RAB6B: variants seen among roughly 807,000 people sequenced by gnomAD.
The protein encoded by RAB6B is ras-related protein Rab-6B.
In RAB6B, 7 loss-of-function variants were observed where a neutral mutation model predicts 31.2. The observed-to-expected ratio is 0.22, with a 90% CI of 0.13 to 0.42. The LOEUF is 0.42. RAB6B is among the 10% of genes least tolerant of loss of function. The pLI, the probability that RAB6B is intolerant of heterozygous loss-of-function variation, is 1.00. For missense variants in RAB6B, 149 were observed against 280.6 expected (o/e 0.53, Z 3.35); for synonymous variants, 105 against 104.9 (o/e 1.00, Z -0.01).
At chr3:133,864,483 T>C in intron 2 of RAB6B, 101 bp downstream of exon 2, 1 of 1,217,682 alleles carries the variant, frequency 8.2e-7, no homozygotes, top group Non-Finnish European at 1.2e-6. Flanking sequence ...AATGACAGCC[T>C]GGGAACCCAG....
intron 1 of RAB6B, among the ~76,000 whole-genome samples, chr3:133,882,596 G>C (rs1936483955): frequency 6.6e-6 from 1 of 152,198 alleles, no homozygotes; most frequent in African/African-American, 2.4e-5. Flanking sequence ...AGCTGGCCTG[G>C]GCAGAGGCTG....
At chr3:133,886,057 G>A (rs1358591123) in intron 1 of RAB6B, among the ~76,000 whole-genome samples, 1 of 152,062 alleles carries the variant, frequency 6.6e-6, no homozygotes, top group Admixed American at 6.5e-5. Context: ...TGACCCTACT[G>A]ACTCCCCCAG....
chr3:133,877,030 A>G lies in RAB6B; in HGVS notation c.71-12388T>C, dbSNP rs149709408. On this transcript the variant is annotated intron_variant, in intron 1 of 7. Coordinates refer to ENST00000285208, the MANE Select transcript of RAB6B (RefSeq NM_016577.4). ...GAAACAACAATTTTCAAGCCACAGG[A>G]TATTAGGTAATGATGACCCCTGAGA... is the stretch of plus-strand genomic sequence containing the variant. Among the ~76,000 whole-genome samples the G allele has an allele frequency of 4.5e-4, 69 of 152,338 alleles. 1 individual carries two copies. In the East Asian group the frequency reaches 0.013, roughly 29 times the overall value.
intron 1 of RAB6B, among the ~76,000 whole-genome samples, chr3:133,874,549 G>A (rs1258199312): frequency 6.6e-6 from 1 of 152,202 alleles, no homozygotes; most frequent in African/African-American, 2.4e-5. Context: ...AGTGAGTGGT[G>A]AGTAAATGTG....
At chr3:133,868,514 C>T (rs1233157826) in intron 1 of RAB6B, among the ~76,000 whole-genome samples, 1 of 152,236 alleles carries the variant, frequency 6.6e-6, no homozygotes, top group Non-Finnish European at 1.5e-5. Context: ...CGCTGTGCTT[C>T]TACCGCAGCT....
At chr3:133,853,552 G>C (rs1485099418) in intron 2 of RAB6B, among the ~76,000 whole-genome samples, 1 of 151,882 alleles carries the variant, frequency 6.6e-6, no homozygotes, top group Non-Finnish European at 1.5e-5. Context: ...CCCTGCCCCA[G>C]GGGAATGGCC....
At chr3:133,892,513 C>T (rs1042463921) in intron 1 of RAB6B, among the ~76,000 whole-genome samples, 5 of 152,198 alleles carry the variant, frequency 3.3e-5, no homozygotes, top group African/African-American at 1.2e-4. Flanking sequence ...GTGTGCTCCA[C>T]ACCCTGGTCC....
Position 133,828,499 on chromosome 3 carries a change from T to C in RAB6B, c.*289A>G. On this transcript the variant is annotated 3_prime_UTR_variant, in exon 8 of 8. Coordinates refer to ENST00000285208, the MANE Select transcript of RAB6B (RefSeq NM_016577.4). ...CATTTTTATCTGGCAAAAAATTGTA[T>C]ACACATGATTTAAATTTTTTTTAAA... 2.1e-6 allele frequency: 1 copy of C among 466,672 alleles called. No homozygotes were observed. The highest frequency in any genetic ancestry group is 3.8e-6 in the Non-Finnish European group (1 of 264,346). The allele number at this position is 466,672 out of a possible 1,614,324, so 28.9% of individuals were successfully genotyped here.
At chr3:133,866,058 A>G (rs1936232946) in intron 1 of RAB6B, among the ~76,000 whole-genome samples, 1 of 152,176 alleles carries the variant, frequency 6.6e-6, no homozygotes, top group African/African-American at 2.4e-5. Flanking sequence ...TCATTTGAAA[A>G]TGAGTATATT....
chr3:133,880,696 C>T (rs964879681), intron 1 of RAB6B, among the ~76,000 whole-genome samples: 3 of 152,220 alleles, frequency 2.0e-5, no homozygotes, highest in African/African-American at 4.8e-5. Context: ...ACAGCCTGCT[C>T]GCTGCTGCTC....
chr3:133,871,665 G>A (rs1222617051), intron 1 of RAB6B, among the ~76,000 whole-genome samples: 1 of 152,214 alleles, frequency 6.6e-6, no homozygotes, highest in Non-Finnish European at 1.5e-5. Context: ...CCTCCACAGC[G>A]GGTGTGGGTG....
chr3:133,891,776 T>C (rs1293924530), intron 1 of RAB6B, among the ~76,000 whole-genome samples: 1 of 152,220 alleles, frequency 6.6e-6, no homozygotes, highest in Non-Finnish European at 1.5e-5. Context: ...CAAGGAATGC[T>C]ATTCACAGTA....
intron 2 of RAB6B, among the ~76,000 whole-genome samples, chr3:133,853,643 C>A (rs1341384610): frequency 6.6e-6 from 1 of 152,012 alleles, no homozygotes; most frequent in Non-Finnish European, 1.5e-5. Flanking sequence ...TTTTGGTGAC[C>A]TCTGTCAGTG....
intron 1 of RAB6B, among the ~76,000 whole-genome samples, chr3:133,877,880 A>G (rs1447065034): frequency 1.3e-5 from 2 of 151,602 alleles, no homozygotes; most frequent in Non-Finnish European, 1.5e-5. Context: ...ATAGATTTTC[A>G]AAGACACAAA....
chr3:133,858,683 T>C (rs748454491), intron 2 of RAB6B, among the ~76,000 whole-genome samples: 12 of 152,228 alleles, frequency 7.9e-5, no homozygotes, highest in Admixed American at 3.3e-4. Context: ...CATGCTGCGA[T>C]ACTTGGGACC....
intron 2 of RAB6B, among the ~76,000 whole-genome samples, chr3:133,861,677 GAGT>G (rs1277812623): frequency 1.3e-5 from 2 of 152,258 alleles, no homozygotes; most frequent in Non-Finnish European, 2.9e-5. Flanking sequence ...TCCAAACATA[GAGT>G]AGGCATTTGA....
intron 2 of RAB6B, among the ~76,000 whole-genome samples, chr3:133,857,505 C>T (rs1936098519): frequency 6.6e-6 from 1 of 151,878 alleles, no homozygotes; most frequent in Admixed American, 6.6e-5. Flanking sequence ...TCACTCTGAC[C>T]ACCTCTACCA....
rs571714936 is a variant in RAB6B at position 133,845,583 on chromosome 3, A to G, written c.130-3920T>C. On this transcript the variant is annotated intron_variant, in intron 2 of 7. Transcript: ENST00000285208. The stretch of plus-strand genomic sequence containing the variant: ...TATAGCAGCCTGAATGGATGAAGAC[A>G]TCTGTCTTAACAAGGTCCATACATG... Among the ~76,000 whole-genome samples, 4 of 152,354 alleles carry G rather than the reference A, an allele frequency of 2.6e-5. No individual in the cohort carries two copies. The South Asian group carries it at 8.3e-4, about 32-fold the overall frequency.
chr3:133,830,478 G>A lies in RAB6B; in HGVS notation c.563-1626C>T, dbSNP rs146219255. Among the ~76,000 whole-genome samples the A allele has an allele frequency of 5.6e-4, 85 of 152,246 alleles. 1 individual carries two copies. Among genetic ancestry groups the A allele is most frequent in the African/African-American group, 1.9e-3 (81 of 41,540 alleles). ...ACCAGATTTTCCCTGCTTTAAACAC[G>A]TCCTATGCTTTCCTTCTTTCCTTTG... is the stretch of plus-strand genomic sequence containing the variant. On this transcript the variant is annotated intron_variant, in intron 7 of 7. Coordinates refer to ENST00000285208, the MANE Select transcript of RAB6B (RefSeq NM_016577.4).
Sources: gnomAD v4.1 joint callset for allele counts (sites outside exome capture counted in the v4.1 genomes callset) on GRCh38, gnomAD v4.1.1 for gene constraint, MANE v1.5 for transcripts, NCBI Gene and HGNC (gene_info 2026-07-23, HGNC 2026-07-21) for gene names.